PCED1B: variants seen among roughly 807,000 people sequenced by gnomAD.
PCED1B encodes PC-esterase domain-containing protein 1B.
For synonymous variants in PCED1B, 251 were observed against 246.1 expected (o/e 1.02, Z -0.19); for missense variants, 573 against 573.9 (o/e 1.00, Z 0.02).
intron 2 of PCED1B, among the ~76,000 whole-genome samples, chr12:47,195,325 T>A: frequency 9.9e-6 from 1 of 100,870 alleles, no homozygotes. Context: ...CGAGTCTCTG[T>A]CTCAAAAAAA....
chr12:47,163,945 T>C (rs1941466363), intron 2 of PCED1B, among the ~76,000 whole-genome samples: 1 of 152,134 alleles, frequency 6.6e-6, no homozygotes, highest in South Asian at 2.1e-4. Flanking sequence ...TGTAACAACA[T>C]GCTTTCTGGT....
intron 2 of PCED1B, among the ~76,000 whole-genome samples, chr12:47,148,940 G>A (rs1033573569): frequency 5.9e-5 from 9 of 151,980 alleles, no homozygotes; most frequent in Non-Finnish European, 1.2e-4. Flanking sequence ...CTTCTGTCCC[G>A]TTTTTTTCTC....
intron 2 of PCED1B, among the ~76,000 whole-genome samples, chr12:47,211,276 C>T (rs17097720): frequency 1.3e-5 from 2 of 151,964 alleles, no homozygotes; most frequent in South Asian, 2.1e-4. Context: ...AAGGAGCACT[C>T]GATGGATGTT....
At chr12:47,222,774 A>AT (rs1156761251) in intron 3 of PCED1B, among the ~76,000 whole-genome samples, 1 of 62,886 alleles carries the variant, frequency 1.6e-5, no homozygotes, top group African/African-American at 1.4e-4. Flanking sequence ...GTGGAGCAGG[A>AT]TCAAACCCAG....
intron 2 of PCED1B, among the ~76,000 whole-genome samples, chr12:47,106,126 T>A (rs1336770434): frequency 6.6e-6 from 1 of 152,116 alleles, no homozygotes; most frequent in Non-Finnish European, 1.5e-5. Flanking sequence ...TGCCAGAAGG[T>A]AAATGCTTTG....
chr12:47,157,564 G>A (rs551240707), intron 2 of PCED1B, among the ~76,000 whole-genome samples: 20 of 152,232 alleles, frequency 1.3e-4, no homozygotes, highest in Admixed American at 3.9e-4. Context: ...ACAGAGCAAG[G>A]CCCTGTCTCT....
At chr12:47,164,410 C>T (rs1325840623) in intron 2 of PCED1B, among the ~76,000 whole-genome samples, 1 of 152,200 alleles carries the variant, frequency 6.6e-6, no homozygotes, top group Non-Finnish European at 1.5e-5. Flanking sequence ...ACCAGCAGGG[C>T]AGACAATTAA....
chr12:47,168,665 T>C (rs946475057), intron 2 of PCED1B, among the ~76,000 whole-genome samples: 7 of 152,218 alleles, frequency 4.6e-5, no homozygotes, highest in Non-Finnish European at 7.3e-5. Context: ...CTCTCATAGA[T>C]TTCCATATGT....
chr12:47,144,209 G>A (rs4768776), intron 2 of PCED1B, among the ~76,000 whole-genome samples: 38,941 of 152,028 alleles, frequency 0.26, 5,964 homozygotes, highest in East Asian at 0.45. Flanking sequence ...CACAGCTAAG[G>A]CAGCCGAGGA....
intron 2 of PCED1B, among the ~76,000 whole-genome samples, chr12:47,167,865 C>T (rs978462491): frequency 1.3e-5 from 2 of 152,132 alleles, no homozygotes; most frequent in Admixed American, 6.6e-5. Flanking sequence ...CGAGCAGTAC[C>T]TGGGCAGGCC....
At chr12:47,181,940 CTAA>C (rs774676882) in intron 2 of PCED1B, among the ~76,000 whole-genome samples, 2 of 152,298 alleles carry the variant, frequency 1.3e-5, no homozygotes, top group South Asian at 2.1e-4. Flanking sequence ...GAAGTGCATT[CTAA>C]TAATAGTCCA....
chr12:47,163,796 A>G (rs1941462216), intron 2 of PCED1B, among the ~76,000 whole-genome samples: 1 of 152,214 alleles, frequency 6.6e-6, no homozygotes, highest in South Asian at 2.1e-4. Context: ...GTGAGGTTCA[A>G]CAACATAGCA....
At chr12:47,138,216 T>G (rs1243651820) in intron 2 of PCED1B, 1 of 152,150 alleles carries the variant, frequency 6.6e-6, no homozygotes, top group Non-Finnish European at 1.5e-5. Flanking sequence ...GTACACATAC[T>G]CAGATATTTC....
chr12:47,181,371 TTA>T (rs1288277391), intron 2 of PCED1B, among the ~76,000 whole-genome samples: 1 of 131,112 alleles, frequency 7.6e-6, no homozygotes. Context: ...GATTCTTTCA[TTA>T]TTTTTTTTTT....
chr12:47,205,246 C>G (rs1942877817), intron 2 of PCED1B, among the ~76,000 whole-genome samples: 2 of 152,078 alleles, frequency 1.3e-5, no homozygotes, highest in Admixed American at 1.3e-4. Context: ...GCTACAAGAT[C>G]AGATGAGCCA....
chr12:47,150,411 TA>T (rs969036787), intron 2 of PCED1B, among the ~76,000 whole-genome samples: 6 of 149,374 alleles, frequency 4.0e-5, no homozygotes, highest in Admixed American at 6.7e-5. Context: ...CTGTCTCTAC[TA>T]AAAAAAAATA....
chr12:47,201,049 T>C (rs1942747639), intron 2 of PCED1B, among the ~76,000 whole-genome samples: 2 of 152,294 alleles, frequency 1.3e-5, no homozygotes, highest in South Asian at 4.1e-4. Flanking sequence ...AGTCCCTTTA[T>C]TTAGCCGGCG....
intron 2 of PCED1B, chr12:47,135,628 C>T (rs891113439): frequency 4.0e-6 from 2 of 501,858 alleles, no homozygotes; most frequent in Admixed American, 4.2e-5. Flanking sequence ...AACCATCTTC[C>T]TGTCCATAGA....
chr12:47,108,218 T>A (rs562322885), intron 2 of PCED1B, among the ~76,000 whole-genome samples: 1 of 152,012 alleles, frequency 6.6e-6, no homozygotes, highest in Non-Finnish European at 1.5e-5. Context: ...GCTGCTAGAG[T>A]GGACTTAGGA....
Sources: allele counts gnomAD v4.1 joint callset (sites outside exome capture counted in the v4.1 genomes callset), GRCh38; gene constraint gnomAD v4.1.1; transcripts MANE v1.5; gene names NCBI Gene and HGNC (gene_info 2026-07-23, HGNC 2026-07-21).